The following RCC1L variants were observed in gnomAD, a reference collection of about 807,000 sequenced individuals.
RCC1L encodes RCC1-like G exchanging factor-like protein.
RCC1L carries 46 observed loss-of-function variants against 58.6 expected under a neutral mutation model. The ratio of observed to expected loss-of-function variants is 0.79; its 90% CI spans 0.62 to 1.00. RCC1L has a LOEUF of 1.00. Ranked by LOEUF, RCC1L falls within the 50% of genes least tolerant of loss-of-function variation. RCC1L has a pLI of 0.00. For synonymous variants in RCC1L, 281 were observed against 262.9 expected (o/e 1.07, Z -0.67); for missense variants, 636 against 623.6 (o/e 1.02, Z -0.21).
intron 5 of RCC1L, among the ~76,000 whole-genome samples, chr7:75,062,584 T>C (rs1044856440): frequency 6.6e-6 from 1 of 152,200 alleles, no homozygotes; most frequent in Non-Finnish European, 1.5e-5. Flanking sequence ...AAGCCAGCTG[T>C]ATTTTGCTCT....
At chr7:75,049,974 CAAAGAGGA>C (rs1435565830) in intron 10 of RCC1L, among the ~76,000 whole-genome samples, 1 of 152,064 alleles carries the variant, frequency 6.6e-6, no homozygotes, top group African/African-American at 2.4e-5. Flanking sequence ...CACCCCAATC[CAAAGAGGA>C]CAGGGGTCGA....
chr7:75,062,435 G>A (rs1362323107), intron 5 of RCC1L, among the ~76,000 whole-genome samples: 5 of 152,202 alleles, frequency 3.3e-5, no homozygotes, highest in Non-Finnish European at 5.9e-5. Flanking sequence ...TTGAGCCCAA[G>A]AGTTCAAGGC....
chr7:75,032,354 G>A lies in RCC1L; in HGVS notation c.1318-4275C>T, dbSNP rs944338179. 3.4e-4 allele frequency among the ~76,000 whole-genome samples: 52 copies of A among 152,348 alleles called. 1 individual carries two copies. Among genetic ancestry groups the A allele is most frequent in the African/African-American group, 1.2e-3 (50 of 41,586 alleles). ...CCATGGACATCACAGCTCCAGGTAA[G>A]TTCCAGAAGCCCAGAAGCTGATACC... On this transcript the variant is annotated intron_variant, in intron 10 of 10. Coordinates refer to the RCC1L transcript ENST00000614461.
intron 2 of RCC1L, among the ~76,000 whole-genome samples, chr7:75,068,789 C>G (rs587641166): frequency 8.5e-5 from 13 of 152,202 alleles, no homozygotes; most frequent in African/African-American, 3.1e-4. Context: ...AACAAGGGAA[C>G]AGGAAAAAAC....
At position 75,052,788 on chromosome 7, in the gene RCC1L, C is replaced by T; in HGVS notation, c.1240G>A (p.Glu414Lys). ...ATGTTCTTGCCCCATACAAACAGCT[C>T]TCCTTTGTCTGCAAAGGGAGGAAAA... ...SHFAALTNKG[E>K]LFVWGKNIRG... Residue 414 changes from glutamate to lysine, a missense_variant, in exon 10 of 11, where the codon GAG becomes AAG. Physicochemically the swap from Glu to Lys is moderately conservative, Grantham distance 56. Transcript: ENST00000610322. 1 of 1,612,962 alleles carries T rather than the reference C, an allele frequency of 6.2e-7. No homozygotes were observed. Among genetic ancestry groups the T allele is most frequent in the Non-Finnish European group, 8.5e-7 (1 of 1,179,606 alleles).
intron 10 of RCC1L, among the ~76,000 whole-genome samples, chr7:75,035,377 G>T (rs1805413717): frequency 6.6e-6 from 1 of 152,168 alleles, no homozygotes; most frequent in Non-Finnish European, 1.5e-5. Flanking sequence ...CAGGCAGAAA[G>T]CCTGCCATGA....
At chr7:75,028,060 C>G in exon 11 of RCC1L, 1 of 1,534,018 alleles carries the variant, frequency 6.5e-7, no homozygotes, top group South Asian at 1.2e-5. Context: ...TGTCTTGGCG[C>G]TGGCGGATGG....
intron 10 of RCC1L, among the ~76,000 whole-genome samples, chr7:75,036,777 G>A (rs1228827643): frequency 1.3e-5 from 2 of 152,078 alleles, no homozygotes; most frequent in African/African-American, 4.8e-5. Flanking sequence ...GTGCACGTCT[G>A]TAGTCCCAGC....
intron 2 of RCC1L, 112 bp downstream of exon 2, chr7:75,070,528 G>GC (rs1463568555): frequency 2.1e-6 from 3 of 1,410,484 alleles, no homozygotes; most frequent in Non-Finnish European, 2.8e-6. Flanking sequence ...CCAGGATCTC[G>GC]CCACTGCACT....
At chr7:75,044,444 C>A (rs1805656969) in intron 10 of RCC1L, among the ~76,000 whole-genome samples, 1 of 151,330 alleles carries the variant, frequency 6.6e-6, no homozygotes, top group Non-Finnish European at 1.5e-5. Flanking sequence ...ACTAAAAATA[C>A]AAAAATTATC....
chr7:75,064,732 G>T, intron 3 of RCC1L, 84 bp from the exon 4 acceptor site: 2 of 1,476,750 alleles, frequency 1.4e-6, no homozygotes, highest in Admixed American at 3.4e-5. Flanking sequence ...CTCGCTGGTG[G>T]TCCCGTCCTG....
At position 75,057,645 on chromosome 7, in the gene RCC1L, A is replaced by C. The variant is rs1314104166; in HGVS notation, c.970-29T>G. On this transcript the variant is annotated intron_variant, in intron 7 of 10. Transcript: ENST00000610322. Reference sequence around the variant, plus strand: ...AACCAAAGAAAGGAGCCACACTGTTAGGAAAGCAAGCCAGTAAGGACCGGG... The same window carrying C: ...AACCAAAGAAAGGAGCCACACTGTTCGGAAAGCAAGCCAGTAAGGACCGGG... 3.7e-6 allele frequency: 6 copies of C among 1,610,052 alleles called. No individual in the cohort carries two copies. The South Asian group carries it at 6.6e-5, about 18-fold the overall frequency.
intron 7 of RCC1L, 104 bp downstream of exon 7, chr7:75,058,484 G>C: frequency 1.4e-5 from 21 of 1,449,904 alleles, no homozygotes; most frequent in Non-Finnish European, 2.0e-5. Flanking sequence ...GCCTGTCTCG[G>C]CCTTCCAAAG....
intron 10 of RCC1L, among the ~76,000 whole-genome samples, chr7:75,046,393 T>G (rs981011927): frequency 6.6e-6 from 1 of 152,190 alleles, no homozygotes; most frequent in Non-Finnish European, 1.5e-5. Flanking sequence ...CCCGGGACAG[T>G]GCGCTTCCTC....
chr7:75,059,669 C>G (rs1011246302), intron 6 of RCC1L, among the ~76,000 whole-genome samples: 1 of 152,092 alleles, frequency 6.6e-6, no homozygotes. Context: ...CCTCAGCCTC[C>G]CAAAGTGCTT....
rs782049050 is a variant in RCC1L, at chr7:75,063,282, T to C, written c.702+10A>G. The C allele has an allele frequency of 9.9e-6, 16 of 1,613,792 alleles. 1 individual carries two copies. The South Asian group carries it at 1.5e-4, about 16-fold the overall frequency. The stretch of plus-strand genomic sequence containing the variant: ...AACACAACAAGCAGCTCTCGGCCCA[T>C]CTCTCTTACCTGGACCACCTGGCCA... On this transcript the variant is annotated intron_variant, in intron 5 of 10. Transcript: ENST00000610322.
downstream of RCC1L, among the ~76,000 whole-genome samples, chr7:75,039,803 G>T (rs940232615): frequency 6.6e-6 from 1 of 152,190 alleles, no homozygotes; most frequent in East Asian, 1.9e-4. Flanking sequence ...TGCCATTCAC[G>T]TGCTCACTAA....
At position 75,064,563 on chromosome 7, in the gene RCC1L, A is replaced by G. The variant is rs931529949; in HGVS notation, c.650+19T>C. The G allele has an allele frequency of 1.2e-5, 19 of 1,612,516 alleles. No individual in the cohort carries two copies. The highest frequency in any genetic ancestry group is 4.0e-5 in the African/African-American group (3 of 74,886). ...CACTTAACTCAACATGGGGAAGGGT[A>G]GGCCTTTTAGGAACTCACCTGTAAA... On this transcript the variant is annotated intron_variant, in intron 4 of 10. Transcript: ENST00000610322.
intron 10 of RCC1L, among the ~76,000 whole-genome samples, chr7:75,035,876 G>A (rs1001123848): frequency 1.3e-5 from 2 of 151,936 alleles, no homozygotes; most frequent in East Asian, 1.9e-4. Context: ...CATGGCTTGC[G>A]TGCCTGTAAT....
Sources: gnomAD v4.1 joint callset for allele counts (sites outside exome capture counted in the v4.1 genomes callset) on GRCh38, gnomAD v4.1.1 for gene constraint, MANE v1.5 for transcripts, NCBI Gene and HGNC (gene_info 2026-07-23, HGNC 2026-07-21) for gene names.